The following C10orf53 variants were observed in gnomAD, a reference collection of about 807,000 sequenced individuals.
C10orf53 encodes the protein UPF0728 protein C10orf53.
A neutral mutation model predicts 9.4 loss-of-function variants in C10orf53; 8 were observed. The observed-to-expected ratio is 0.85, with a 90% CI of 0.50 to 1.53. The LOEUF is 1.53. Ranked by LOEUF, C10orf53 falls within the 40% of genes most tolerant of loss-of-function variation. The probability of loss-of-function intolerance (pLI) is 0.00; values close to 1 mark genes in which losing one functional copy is unlikely to be tolerated. For synonymous variants in C10orf53, 48 were observed against 46.0 expected, an observed-to-expected ratio of 1.04 and a Z score of -0.18; for missense variants, 117 against 117.8, an observed-to-expected ratio of 0.99 and a Z score of 0.03.
chr10:49,685,256 G>C (rs545758707), intron 1 of C10orf53, among the ~76,000 whole-genome samples: 1 of 152,164 alleles, frequency 6.6e-6, no homozygotes, highest in South Asian at 2.1e-4. Context: ...ACCCCATTCT[G>C]TTTTTCACTT....
chr10:49,710,254 G>A, exon 3 of C10orf53: 1 of 152,032 alleles, frequency 6.6e-6, no homozygotes. Context: ...AAAACATGTT[G>A]GAAAATGTTT....
intron 2 of C10orf53, among the ~76,000 whole-genome samples, chr10:49,705,849 G>T (rs928860621): frequency 2.7e-5 from 4 of 149,724 alleles, no homozygotes; most frequent in African/African-American, 9.9e-5. Context: ...CTCACAAAAT[G>T]AGTTTTTAAA....
At position 49,695,051 on chromosome 10, in the gene C10orf53, C is replaced by A. The variant is rs1001967777; in HGVS notation, c.*449C>A. On this transcript the variant is annotated 3_prime_UTR_variant, in exon 3 of 3. Coordinates refer to ENST00000374111, the MANE Select transcript of C10orf53 (RefSeq NM_001042427.3). ...GGCTTTTGAAAGTCTGAACCAAAAG[C>A]AAATGTTAATATTTGGAAACCTTGC... 90 of 690,708 alleles carry A rather than the reference C, an allele frequency of 1.3e-4. No homozygotes were observed. The highest frequency in any genetic ancestry group is 1.3e-4 in the Non-Finnish European group (75 of 560,718). The allele number at this position is 690,708 out of a possible 1,614,324, so 42.8% of individuals were successfully genotyped here.
In C10orf53 at chr10:49,679,766, C is replaced by T. The variant is rs1284039043; in HGVS notation, c.69C>T (p.His23=). ...GCGCGGCAGGCCTACCGGTGGAGCA[C>T]CACACCTTCCGCCTGCAGGGCCTGC... The part of the protein sequence containing the change: ...PYSAAGLPVE[H]HTFRLQGLQA... Residue 23 remains histidine (H), a synonymous_variant, in exon 1 of 3, where the codon CAC becomes CAT. Coordinates refer to ENST00000374111, the MANE Select transcript of C10orf53 (RefSeq NM_001042427.3). 1 of 1,544,984 alleles carries T rather than the reference C, an allele frequency of 6.5e-7. No homozygotes were observed. Among genetic ancestry groups the T allele is most frequent in the Non-Finnish European group, 8.7e-7 (1 of 1,145,266 alleles).
chr10:49,691,744 C>G (rs1012626210), intron 1 of C10orf53, among the ~76,000 whole-genome samples: 7 of 152,206 alleles, frequency 4.6e-5, no homozygotes, highest in African/African-American at 1.4e-4. Flanking sequence ...GCTCAGTCAG[C>G]AGGCCCTGCA....
intron 2 of C10orf53, among the ~76,000 whole-genome samples, chr10:49,707,343 A>G (rs1332646983): frequency 6.6e-6 from 1 of 151,948 alleles, no homozygotes; most frequent in Non-Finnish European, 1.5e-5. Context: ...AAGCTTTCCC[A>G]CTCCATCCCT....
chr10:49,706,546 A>G (rs1192387414), intron 2 of C10orf53, among the ~76,000 whole-genome samples: 1 of 152,246 alleles, frequency 6.6e-6, no homozygotes, highest in Non-Finnish European at 1.5e-5. Flanking sequence ...AAAGTGGATT[A>G]GTGGTTGCAC....
chr10:49,694,437 G>A (rs930393145), intron 2 of C10orf53, 101 bp from the exon 3 acceptor site: 22 of 1,484,944 alleles, frequency 1.5e-5, no homozygotes, highest in Admixed American at 7.3e-5. Context: ...CCAGCCCATG[G>A]CCTTTGAAAA....
downstream of C10orf53, among the ~76,000 whole-genome samples, chr10:49,698,313 A>G (rs895567328): frequency 6.6e-6 from 1 of 152,030 alleles, no homozygotes; most frequent in African/African-American, 2.4e-5. Context: ...AAACCTGACA[A>G]TCCTTGCAAG....
intron 2 of C10orf53, chr10:49,694,104 C>T: frequency 1.5e-6 from 1 of 653,112 alleles, no homozygotes; most frequent in South Asian, 2.2e-5. Context: ...ACGAGTTTCC[C>T]CAAACATTGG....
chr10:49,707,229 T>G (rs1015370534), intron 2 of C10orf53, among the ~76,000 whole-genome samples: 2 of 152,168 alleles, frequency 1.3e-5, no homozygotes, highest in African/African-American at 2.4e-5. Context: ...GTGGGGAAAC[T>G]GGGTCTTAGT....
At chr10:49,708,906 T>C (rs1840742369) in exon 3 of C10orf53, 2 of 415,852 alleles carry the variant, frequency 4.8e-6, no homozygotes, top group South Asian at 6.3e-5. Context: ...TGAAGTGAAC[T>C]GATCTGCCCT....
exon 3 of C10orf53, chr10:49,709,975 G>GTGTGTGTGTGTC (rs1378053168): frequency 5.0e-4 from 22 of 43,802 alleles, no homozygotes; most frequent in African/African-American, 1.9e-3. Context: ...GTGTGTGTCT[G>GTGTGTGTGTGTC]TGTGTGTGTG....
downstream of C10orf53, among the ~76,000 whole-genome samples, chr10:49,699,108 G>T (rs79731772): frequency 6.7e-5 from 10 of 150,230 alleles, no homozygotes; most frequent in East Asian, 2.0e-3. Flanking sequence ...TTTACTGAAA[G>T]GCATTTTTAA....
Position 49,696,977 on chromosome 10 carries a change from G to C in C10orf53, c.*2375G>C, listed in dbSNP as rs1424851051. ...GAATCCAAGGTGGGTGGATTTGTTT[G>C]AACACAGGAGTTCGAGAGCAGCCTG... On this transcript the variant is annotated 3_prime_UTR_variant, in exon 3 of 3. Transcript: ENST00000374111. Among the ~76,000 whole-genome samples, 1 of 152,130 alleles carries C rather than the reference G, an allele frequency of 6.6e-6. No homozygotes were observed. The highest frequency in any genetic ancestry group is 1.5e-5 in the Non-Finnish European group (1 of 68,018).
intron 1 of C10orf53, among the ~76,000 whole-genome samples, chr10:49,686,445 C>T (rs1356501569): frequency 6.6e-6 from 1 of 152,116 alleles, no homozygotes; most frequent in Non-Finnish European, 1.5e-5. Flanking sequence ...GGAAGATAAA[C>T]AGGAGGTCTG....
chr10:49,688,625 C>T, intron 1 of C10orf53, among the ~76,000 whole-genome samples: 1 of 135,086 alleles, frequency 7.4e-6, no homozygotes, highest in East Asian at 2.7e-4. Flanking sequence ...CCTGATCTCA[C>T]CCCCTCATCT....
chr10:49,681,858 C>T (rs1840481626), intron 1 of C10orf53, among the ~76,000 whole-genome samples: 1 of 152,174 alleles, frequency 6.6e-6, no homozygotes, highest in Admixed American at 6.5e-5. Context: ...CCTCTTTAAG[C>T]ACCTGTAGTC....
intron 1 of C10orf53, among the ~76,000 whole-genome samples, chr10:49,681,911 G>A (rs1291441861): frequency 6.6e-6 from 1 of 152,094 alleles, no homozygotes; most frequent in East Asian, 1.9e-4. Context: ...TGGGGGAAGG[G>A]GGGCAACAAT....
Sources: gnomAD v4.1 joint callset for allele counts (sites outside exome capture counted in the v4.1 genomes callset) on GRCh38, gnomAD v4.1.1 for gene constraint, MANE v1.5 for transcripts, NCBI Gene and HGNC (gene_info 2026-07-23, HGNC 2026-07-21) for gene names.